The following AUTS2 variants were observed in gnomAD, a reference collection of about 807,000 sequenced individuals.
AUTS2 encodes autism susceptibility gene 2 protein.
In AUTS2, 17 loss-of-function variants were observed where a neutral mutation model predicts 112.4. The ratio of observed to expected loss-of-function variants is 0.15; its 90% CI spans 0.10 to 0.23. The LOEUF (loss-of-function observed/expected upper bound fraction) is 0.23. AUTS2 is among the 10% of genes least tolerant of loss of function. The pLI, the probability that AUTS2 is intolerant of heterozygous loss-of-function variation, is 1.00. For synonymous variants in AUTS2, 751 were observed against 702.7 expected (o/e 1.07, Z -1.09); for missense variants, 1,510 against 1,701.6 (o/e 0.89, Z 1.98).
intron 1 of AUTS2, among the ~76,000 whole-genome samples, chr7:69,650,826 C>G (rs1218168810): frequency 6.6e-6 from 1 of 152,200 alleles, no homozygotes; most frequent in African/African-American, 2.4e-5. Context: ...CCTTGGGTCT[C>G]ACTATGTGGC....
intron 6 of AUTS2, among the ~76,000 whole-genome samples, chr7:70,738,485 G>A (rs1237624625): frequency 6.6e-6 from 1 of 151,310 alleles, no homozygotes; most frequent in Non-Finnish European, 1.5e-5. Context: ...TGCCTGAGGA[G>A]CTGGTGAATG....
intron 5 of AUTS2, among the ~76,000 whole-genome samples, chr7:70,517,964 G>A (rs549897338): frequency 1.3e-5 from 2 of 152,310 alleles, no homozygotes; most frequent in South Asian, 2.1e-4. Context: ...ATGAGTGGAA[G>A]TGAAATGTCT....
chr7:69,600,896 ATG>A (rs891122742), intron 1 of AUTS2, among the ~76,000 whole-genome samples: 15 of 148,076 alleles, frequency 1.0e-4, no homozygotes, highest in Non-Finnish European at 2.2e-4. Context: ...GTGTGTGTCT[ATG>A]TGTGTGTCTT....
chr7:70,153,841 C>CAAAT (rs749071587), intron 4 of AUTS2, among the ~76,000 whole-genome samples: 1 of 152,094 alleles, frequency 6.6e-6, no homozygotes, highest in Non-Finnish European at 1.5e-5. Flanking sequence ...CTTTATAAGG[C>CAAAT]AAATATGTCC....
intron 5 of AUTS2, among the ~76,000 whole-genome samples, chr7:70,597,775 G>C (rs182866801): frequency 1.5e-4 from 23 of 152,286 alleles, no homozygotes; most frequent in Non-Finnish European, 2.8e-4. Flanking sequence ...AGCTCCAGCA[G>C]GTTTGGAAAT....
intron 5 of AUTS2, among the ~76,000 whole-genome samples, chr7:70,507,946 CAA>C (rs1429223091): frequency 6.6e-6 from 1 of 152,118 alleles, no homozygotes; most frequent in Non-Finnish European, 1.5e-5. Context: ...AAAAATATTC[CAA>C]AGACTTAATT....
chr7:70,043,576 C>T (rs1326193652), intron 2 of AUTS2, among the ~76,000 whole-genome samples: 2 of 112,966 alleles, frequency 1.8e-5, no homozygotes, highest in Non-Finnish European at 3.5e-5. Flanking sequence ...TTCCTTCCTT[C>T]CTTCCTTCCT....
chr7:70,394,668 C>A (rs1459395741), intron 4 of AUTS2, among the ~76,000 whole-genome samples: 1 of 152,024 alleles, frequency 6.6e-6, no homozygotes, highest in Non-Finnish European at 1.5e-5. Flanking sequence ...GAAGGTGGGG[C>A]AAGGACTGAG....
rs985663753 is a variant in AUTS2 at position 69,599,608 on chromosome 7, C to G, written c.-46C>G. 2 of 1,266,050 alleles carry G rather than the reference C, an allele frequency of 1.6e-6. No individual in the cohort carries two copies. Among genetic ancestry groups the G allele is most frequent in the Non-Finnish European group, 2.0e-6 (2 of 1,007,660 alleles). 78.4% of individuals were successfully genotyped at this position (1,266,050 alleles called of 1,614,324 possible). A position where few individuals can be genotyped will look rare whatever the true frequency, so the allele number is the denominator to read the frequency against. ...CAATTTTTTTTTGTGTGGCTGCGGC[C>G]GTAGCCTGTGGCGGGCAAGCGGGGA... is the stretch of plus-strand genomic sequence containing the variant. On this transcript the variant is annotated 5_prime_UTR_variant, in exon 1 of 19. Transcript: ENST00000342771. This position sits in a 1 kb window ranked among gnomAD's most constrained non-coding sequence, Gnocchi z 7.0.
At chr7:70,036,921 T>C (rs1305836839) in intron 2 of AUTS2, among the ~76,000 whole-genome samples, 3 of 152,230 alleles carry the variant, frequency 2.0e-5, no homozygotes, top group Admixed American at 2.0e-4. Context: ...GGTTCTTTCC[T>C]TGTAAAACTG....
chr7:70,514,737 G>A (rs572297120), intron 5 of AUTS2, among the ~76,000 whole-genome samples: 6 of 152,282 alleles, frequency 3.9e-5, no homozygotes, highest in African/African-American at 4.8e-5. Flanking sequence ...GTTGCTCTGC[G>A]GTGGTTGAAT....
At chr7:70,556,382 G>C (rs1317102057) in intron 5 of AUTS2, among the ~76,000 whole-genome samples, 1 of 152,146 alleles carries the variant, frequency 6.6e-6, no homozygotes, top group Non-Finnish European at 1.5e-5. Flanking sequence ...CACTCATCTA[G>C]AAAAGAAGGG....
intron 1 of AUTS2, among the ~76,000 whole-genome samples, chr7:69,764,551 G>C (rs1788336935): frequency 6.6e-6 from 1 of 151,440 alleles, no homozygotes; most frequent in Non-Finnish European, 1.5e-5. Context: ...TGGGTTGAAA[G>C]TACTGATGTA....
intron 1 of AUTS2, among the ~76,000 whole-genome samples, chr7:69,746,390 A>C (rs1211596616): frequency 6.6e-6 from 1 of 152,198 alleles, no homozygotes; most frequent in African/African-American, 2.4e-5. Context: ...ATAAACACCA[A>C]GTAAATATTT....
intron 1 of AUTS2, among the ~76,000 whole-genome samples, chr7:69,805,649 C>A (rs761923631): frequency 6.6e-6 from 1 of 152,162 alleles, no homozygotes; most frequent in African/African-American, 2.4e-5. Flanking sequence ...AACCAAGCAA[C>A]GCAGATCAGT....
At chr7:69,737,543 C>G (rs1787086089) in intron 1 of AUTS2, among the ~76,000 whole-genome samples, 1 of 152,030 alleles carries the variant, frequency 6.6e-6, no homozygotes, top group Admixed American at 6.6e-5. Context: ...TTCCCATATC[C>G]CATTAGGAAC....
intron 5 of AUTS2, among the ~76,000 whole-genome samples, chr7:70,624,803 G>T (rs1269221308): frequency 1.3e-5 from 2 of 152,128 alleles, no homozygotes; most frequent in Non-Finnish European, 2.9e-5. Flanking sequence ...GCTTCCCTGG[G>T]GTGTAGAGAT....
At chr7:69,671,699 T>C (rs917854964) in intron 1 of AUTS2, among the ~76,000 whole-genome samples, 12 of 152,298 alleles carry the variant, frequency 7.9e-5, no homozygotes, top group African/African-American at 2.4e-4. Context: ...ATTGGTCCTT[T>C]AGGACAATTA....
intron 5 of AUTS2, among the ~76,000 whole-genome samples, chr7:70,512,196 C>A (rs1799222876): frequency 6.6e-6 from 1 of 152,160 alleles, no homozygotes; most frequent in Non-Finnish European, 1.5e-5. Flanking sequence ...GTGGGCCTCC[C>A]ACACAAAAAG....
Sources: gnomAD v4.1 joint callset for allele counts (sites outside exome capture counted in the v4.1 genomes callset) on GRCh38, gnomAD v4.1.1 for gene constraint, Gnocchi (gnomAD v3.1) non-coding constraint, MANE v1.5 for transcripts, NCBI Gene and HGNC (gene_info 2026-07-23, HGNC 2026-07-21) for gene names.